Variants in ZBTB25 observed in about 807,000 individuals in gnomAD.
The protein encoded by ZBTB25 is zinc finger and BTB domain containing 25.
A neutral mutation model predicts 34.2 loss-of-function variants in ZBTB25; 20 were observed. The ratio of observed to expected loss-of-function variants is 0.58; its 90% CI spans 0.41 to 0.85. The LOEUF (loss-of-function observed/expected upper bound fraction) is 0.85, where lower values mean the gene tolerates loss of function less well. Among genes scored for constraint, ZBTB25 ranks in the 40% least tolerant of loss-of-function variants. The probability of loss-of-function intolerance (pLI) is 0.00; values close to 1 mark genes in which losing one functional copy is unlikely to be tolerated. For synonymous variants in ZBTB25, 175 were observed against 186.4 expected (o/e 0.94, Z 0.50); for missense variants, 437 against 521.8 (o/e 0.84, Z 1.58).
In ZBTB25 at chr14:64,481,970, T is replaced by C. The variant is rs2078800294; in HGVS notation, c.*4953A>G. The stretch of plus-strand genomic sequence containing the variant: ...ACAAAAAATGGACATTTATCAAGTA[T>C]CTGACTCACAACATCAAGAATGTGC... On this transcript the variant is annotated 3_prime_UTR_variant, in exon 3 of 3. Coordinates refer to ENST00000608382, the MANE Select transcript of ZBTB25 (RefSeq NM_006977.5). 1 of 152,258 alleles carries C rather than the reference T, an allele frequency of 6.6e-6. No individual in the cohort carries two copies. The highest frequency in any genetic ancestry group is 1.5e-5 in the Non-Finnish European group (1 of 68,052). 9.4% of individuals were successfully genotyped at this position (152,258 alleles called of 1,614,324 possible).
At chr14:64,503,456 G>A (rs942864430) in intron 1 of ZBTB25, 1 of 985,464 alleles carries the variant, frequency 1.0e-6, no homozygotes, top group Non-Finnish European at 1.2e-6. Flanking sequence ...GGGTGGTTCT[G>A]GGTATTGTCG....
At chr14:64,454,703 C>G (rs375172283) in intron 2 of ZBTB25, 9 of 1,607,768 alleles carry the variant, frequency 5.6e-6, no homozygotes, top group Non-Finnish European at 6.0e-6. Context: ...TGTCCTCCCT[C>G]TCTTCCCTTC....
chr14:64,486,301 C>CA lies in ZBTB25; in HGVS notation c.*621dup, dbSNP rs903101968. On this transcript the variant is annotated 3_prime_UTR_variant, in exon 3 of 3. Transcript: ENST00000608382. Reference sequence around the variant, plus strand: ...TGGGCGACACAGAGAGACTCTGTCTCAAAAAAAAAAAGAGGTATACTCAAT... The same window carrying CA: ...TGGGCGACACAGAGAGACTCTGTCTCAAAAAAAAAAAAGAGGTATACTCAAT... The CA allele has an allele frequency of 0.046, 25,461 of 550,102 alleles. No homozygotes were observed. The highest frequency in any genetic ancestry group is 0.053 in the Non-Finnish European group (23,254 of 441,864). The allele number at this position is 550,102 out of a possible 1,614,324, so 34.1% of individuals were successfully genotyped here.
chr14:64,494,090 G>C (rs948225470), intron 1 of ZBTB25, among the ~76,000 whole-genome samples: 2 of 152,120 alleles, frequency 1.3e-5, no homozygotes, highest in African/African-American at 4.8e-5. Flanking sequence ...AAAAAGCTAA[G>C]AATGAATCTT....
chr14:64,454,840 G>A (rs1279722571), intron 2 of ZBTB25: 4 of 1,614,196 alleles, frequency 2.5e-6, no homozygotes, highest in Non-Finnish European at 3.4e-6. Flanking sequence ...CCGCGCCAGC[G>A]TTGGGGCTGG....
intron 1 of ZBTB25, among the ~76,000 whole-genome samples, chr14:64,497,222 G>A (rs1310279012): frequency 6.6e-6 from 1 of 151,220 alleles, no homozygotes; most frequent in Non-Finnish European, 1.5e-5. Flanking sequence ...TGCATAATAG[G>A]AGATCTTTGA....
chr14:64,502,320 G>A (rs141670484), intron 1 of ZBTB25, among the ~76,000 whole-genome samples: 1,533 of 152,276 alleles, frequency 0.01, 13 homozygotes, highest in Non-Finnish European at 0.017. Flanking sequence ...CTGACTGCCA[G>A]CTCTCAGAAT....
At position 64,503,732 on chromosome 14, in the gene ZBTB25, G is replaced by T; in HGVS notation, c.-79C>A. 2 of 507,080 alleles carry T rather than the reference G, an allele frequency of 3.9e-6. No homozygotes were observed. The highest frequency in any genetic ancestry group is 5.1e-6 in the Non-Finnish European group (2 of 392,686). The allele number at this position is 507,080 out of a possible 1,614,324, so 31.4% of individuals were successfully genotyped here. On this transcript the variant is annotated 5_prime_UTR_variant, in exon 1 of 3. Transcript: ENST00000608382. ...CGGGCTCCCAAGCCGCGCACTGCAA[G>T]CAGTGGCGCCGGCTCACGCACCCCT...
In ZBTB25 at chr14:64,485,334, G is replaced by A. The variant is rs1353925531; in HGVS notation, c.*1589C>T. 3 of 985,230 alleles carry A rather than the reference G, an allele frequency of 3.0e-6. No homozygotes were observed. The highest frequency in any genetic ancestry group is 2.3e-4 in the East Asian group (2 of 8,830). The allele number at this position is 985,230 out of a possible 1,614,324, so 61.0% of individuals were successfully genotyped here. On this transcript the variant is annotated 3_prime_UTR_variant, in exon 3 of 3. Coordinates refer to ENST00000608382, the MANE Select transcript of ZBTB25 (RefSeq NM_006977.5). ...CCAAATTTTTTAGATGTATTCAAAT[G>A]CCCGTGAAGCTTAGAATTTAACAAG...
chr14:64,453,877 G>T, intron 2 of ZBTB25: 1 of 1,520,476 alleles, frequency 6.6e-7, no homozygotes, highest in Non-Finnish European at 9.1e-7. Context: ...TGTTTGGTTA[G>T]TTTGTCCTTT....
chr14:64,481,981 ACAT>A lies in ZBTB25; in HGVS notation c.*4939_*4941del, dbSNP rs1416611914. Reference sequence around the variant, plus strand: ...ACATTTATCAAGTATCTGACTCACAACATCAAGAATGTGCCTGTACAAATAAAT... The same window carrying A: ...ACATTTATCAAGTATCTGACTCACAACAAGAATGTGCCTGTACAAATAAAT... On this transcript the variant is annotated 3_prime_UTR_variant, in exon 3 of 3. Coordinates refer to ENST00000608382, the MANE Select transcript of ZBTB25 (RefSeq NM_006977.5). 6.6e-6 allele frequency: 1 copy of A among 152,248 alleles called. No homozygotes were observed. The highest frequency in any genetic ancestry group is 2.4e-5 in the African/African-American group (1 of 41,460). 9.4% of individuals were successfully genotyped at this position (152,248 alleles called of 1,614,324 possible).
At position 64,503,646 on chromosome 14, in the gene ZBTB25, G is replaced by A. The variant is rs2079573504; in HGVS notation, c.-8+15C>T. ...AGCCCGGGGCAGCCCACAGGGGCAG[G>A]ACCGCGTCGCTTACCCAGATGCCGC... On this transcript the variant is annotated intron_variant, in intron 1 of 2. Transcript: ENST00000608382. 5 of 981,980 alleles carry A rather than the reference G, an allele frequency of 5.1e-6. 1 individual carries two copies. In the South Asian group the frequency reaches 1.9e-4, roughly 37 times the overall value. The allele number at this position is 981,980 out of a possible 1,614,324, so 60.8% of individuals were successfully genotyped here.
rs956306259 is a variant in ZBTB25 at position 64,480,109 on chromosome 14, G to C, written c.*6814C>G. On this transcript the variant is annotated 3_prime_UTR_variant, in exon 3 of 3. Coordinates refer to ENST00000608382, the MANE Select transcript of ZBTB25 (RefSeq NM_006977.5). ...GAGGCTGAGGCAGGTGAATCACAAGGTCAGGAGTTCGAGACCAGCCTGGCC... is the reference window on the plus strand; with the variant it reads ...GAGGCTGAGGCAGGTGAATCACAAGCTCAGGAGTTCGAGACCAGCCTGGCC... 1.1e-5 allele frequency: 2 copies of C among 178,148 alleles called. No individual in the cohort carries two copies. The highest frequency in any genetic ancestry group is 1.8e-4 in the South Asian group (2 of 11,194). The allele number at this position is 178,148 out of a possible 1,614,324, so 11.0% of individuals were successfully genotyped here. A position where few individuals can be genotyped will look rare whatever the true frequency, so the allele number is the denominator to read the frequency against.
intron 1 of ZBTB25, among the ~76,000 whole-genome samples, chr14:64,496,937 C>G (rs1201638621): frequency 6.6e-6 from 1 of 152,120 alleles, no homozygotes; most frequent in African/African-American, 2.4e-5. Context: ...TATTTTATGG[C>G]TGAGAAACCA....
rs549152784 is a variant in ZBTB25 at position 64,484,958 on chromosome 14, C to G, written c.*1965G>C. On this transcript the variant is annotated 3_prime_UTR_variant, in exon 3 of 3. Coordinates refer to ENST00000608382, the MANE Select transcript of ZBTB25 (RefSeq NM_006977.5). ...CAAAGTTCTGACCCCAAAGAACATACATTTGTTTTAATTACTCCCAATACA... is the reference window on the plus strand; with the variant it reads ...CAAAGTTCTGACCCCAAAGAACATAGATTTGTTTTAATTACTCCCAATACA... The G allele has an allele frequency of 1.0e-5, 10 of 971,338 alleles. No homozygotes were observed. Among genetic ancestry groups the G allele is most frequent in the Non-Finnish European group, 1.1e-5 (9 of 817,256 alleles). 60.2% of individuals were successfully genotyped at this position (971,338 alleles called of 1,614,324 possible).
intron 1 of ZBTB25, among the ~76,000 whole-genome samples, chr14:64,491,667 G>A (rs2079083325): frequency 6.6e-6 from 1 of 152,188 alleles, no homozygotes. Flanking sequence ...TCAGGCAGGT[G>A]GCAGACTGTA....
intron 1 of ZBTB25, chr14:64,503,032 G>A (rs979402256): frequency 3.7e-4 from 367 of 985,310 alleles, no homozygotes; most frequent in South Asian, 5.6e-4. Context: ...TCAGGTTCCA[G>A]GTACTACGTT....
rs368053637 is a variant in ZBTB25 at position 64,449,577 on chromosome 14, A to G, written c.235T>C (p.Ser79Pro). 46 of 1,614,196 alleles carry G rather than the reference A, an allele frequency of 2.8e-5. No homozygotes were observed. The African/African-American group carries it at 6.0e-4, about 21-fold the overall frequency. Residue 79 changes from serine (S) to proline (P), a missense_variant, in exon 3 of 3, where the codon TCT (serine) becomes CCT (proline). Transcript: ENST00000555220. ...TAGCCCTGGCTCAGGCCGTCCAGAG[A>G]GCAGCACAAGCACCCAGCAGCTTCC...
chr14:64,493,497 T>G (rs2079160715), intron 1 of ZBTB25, among the ~76,000 whole-genome samples: 1 of 152,054 alleles, frequency 6.6e-6, no homozygotes, highest in Admixed American at 6.6e-5. Context: ...TAGGCGTGAG[T>G]AAAGACTGCT....
Sources: allele counts gnomAD v4.1 joint callset (sites outside exome capture counted in the v4.1 genomes callset), GRCh38; gene constraint gnomAD v4.1.1; transcripts MANE v1.5; gene names NCBI Gene and HGNC (gene_info 2026-07-23, HGNC 2026-07-21).